Variants in ADGRL3 observed in about 807,000 individuals in gnomAD.
ADGRL3 encodes the protein adhesion G protein-coupled receptor L3.
A neutral mutation model predicts 153.5 loss-of-function variants in ADGRL3; 62 were observed. The ratio of observed to expected loss-of-function variants is 0.40; its 90% CI spans 0.33 to 0.50. ADGRL3 has a LOEUF of 0.50. Ranked by LOEUF, ADGRL3 falls within the 20% of genes least tolerant of loss-of-function variation. The probability of loss-of-function intolerance (pLI) is 0.47; values close to 1 mark genes in which losing one functional copy is unlikely to be tolerated. For missense variants in ADGRL3, 1,641 were observed against 1,859.4 expected (o/e 0.88, Z 2.16); for synonymous variants, 710 against 672.5 (o/e 1.06, Z -0.86).
intron 9 of ADGRL3, among the ~76,000 whole-genome samples, chr4:61,877,659 A>C (rs149923739): frequency 2.0e-5 from 3 of 152,294 alleles, no homozygotes; most frequent in Admixed American, 6.5e-5. Flanking sequence ...TAAAAGTCCA[A>C]GCTTCAACTG....
intron 2 of ADGRL3, among the ~76,000 whole-genome samples, chr4:61,477,342 A>T (rs1373471228): frequency 6.7e-6 from 1 of 148,304 alleles, no homozygotes; most frequent in Non-Finnish European, 1.5e-5. Context: ...TTTTAAAGAT[A>T]GTTATTGTAT....
intron 2 of ADGRL3, among the ~76,000 whole-genome samples, chr4:61,488,326 T>G (rs1292780062): frequency 1.3e-5 from 2 of 152,044 alleles, no homozygotes; most frequent in African/African-American, 4.8e-5. Context: ...CCTTTTTTAC[T>G]TCAGTGATAA....
intron 5 of ADGRL3, among the ~76,000 whole-genome samples, chr4:61,651,485 T>G (rs2094247182): frequency 6.6e-6 from 1 of 152,232 alleles, no homozygotes; most frequent in Non-Finnish European, 1.5e-5. Context: ...GTGGTAATGC[T>G]TCTGCAATTT....
At chr4:62,001,243 A>G (rs796817975) in intron 21 of ADGRL3, among the ~76,000 whole-genome samples, 1 of 152,204 alleles carries the variant, frequency 6.6e-6, no homozygotes, top group African/African-American at 2.4e-5. Flanking sequence ...GAGCAATTCC[A>G]CTACATTGGA....
chr4:61,472,589 C>A (rs1053835414), intron 2 of ADGRL3, among the ~76,000 whole-genome samples: 31 of 152,084 alleles, frequency 2.0e-4, no homozygotes, highest in African/African-American at 7.5e-4. Flanking sequence ...TCACATCTGC[C>A]ATATTCTACT....
At position 61,364,628 on chromosome 4, in the gene ADGRL3, T is replaced by A. The variant is rs114471754; in HGVS notation, c.-239-18496T>A. The stretch of plus-strand genomic sequence containing the variant: ...TGTCTAGAAAACAGCAGATTTAGAA[T>A]AACTATTGTAAGATAAATGAATAAA... On this transcript the variant is annotated intron_variant, in intron 1 of 26. Transcript: ENST00000683033. 6.1e-3 allele frequency among the ~76,000 whole-genome samples: 926 copies of A among 152,240 alleles called. 9 individuals carry two copies. Among genetic ancestry groups the A allele is most frequent in the African/African-American group, 0.02 (847 of 41,556 alleles).
At chr4:61,622,826 T>A (rs527631560) in intron 5 of ADGRL3, among the ~76,000 whole-genome samples, 1 of 152,256 alleles carries the variant, frequency 6.6e-6, no homozygotes, top group Admixed American at 6.5e-5. Flanking sequence ...GCAGTCATAT[T>A]CAAGAACTCA....
intron 2 of ADGRL3, among the ~76,000 whole-genome samples, chr4:61,431,025 G>C (rs1034098649): frequency 3.3e-5 from 5 of 152,098 alleles, no homozygotes; most frequent in Admixed American, 3.3e-4. Flanking sequence ...TCCTTCCATA[G>C]GTCTTGACCT....
intron 18 of ADGRL3, among the ~76,000 whole-genome samples, chr4:61,980,332 T>TTTTTA (rs2099063658): frequency 2.8e-5 from 4 of 141,090 alleles, no homozygotes; most frequent in East Asian, 2.5e-4. Flanking sequence ...TTTTTTTTTT[T>TTTTTA]ACTATCTCCA....
At chr4:61,783,779 A>C (rs1008747160) in intron 8 of ADGRL3, among the ~76,000 whole-genome samples, 14 of 152,214 alleles carry the variant, frequency 9.2e-5, no homozygotes, top group East Asian at 3.9e-4. Context: ...AATAATAATA[A>C]ATCTTAAACA....
chr4:61,737,499 C>CTCTA lies in ADGRL3; in HGVS notation c.1399+3949_1399+3952dup, dbSNP rs2096533237. On this transcript the variant is annotated intron_variant, in intron 8 of 26. Coordinates refer to ENST00000683033, the MANE Select transcript of ADGRL3 (RefSeq NM_001387552.1). ...TCAGAAGGACGTGGGTTTGAATTCTCTCTATCTCTTGTTTGACTATGGGCA... is the reference window on the plus strand; with the variant it reads ...TCAGAAGGACGTGGGTTTGAATTCTCTCTATCTATCTCTTGTTTGACTATGGGCA... Among the ~76,000 whole-genome samples, 6 of 152,254 alleles carry CTCTA rather than the reference C, an allele frequency of 3.9e-5. No homozygotes were observed. In the South Asian group the frequency reaches 1.2e-3, roughly 32 times the overall value.
intron 9 of ADGRL3, among the ~76,000 whole-genome samples, chr4:61,856,726 C>T (rs892750775): frequency 3.4e-5 from 5 of 144,978 alleles, no homozygotes; most frequent in African/African-American, 1.3e-4. Context: ...AAGCAATTCT[C>T]CTGCTTCAGC....
At chr4:61,724,093 G>A (rs978871934) in intron 6 of ADGRL3, among the ~76,000 whole-genome samples, 1 of 152,030 alleles carries the variant, frequency 6.6e-6, no homozygotes, top group African/African-American at 2.4e-5. Flanking sequence ...ATATAAACAC[G>A]CATATTTAGT....
chr4:61,425,541 A>ACTT (rs2097266699), intron 2 of ADGRL3: 1 of 152,354 alleles, frequency 6.6e-6, no homozygotes, highest in Non-Finnish European at 1.5e-5. Context: ...AGGCACAGGT[A>ACTT]CTAACAAGGA....
intron 4 of ADGRL3, among the ~76,000 whole-genome samples, chr4:61,554,180 T>G (rs1221757634): frequency 6.8e-6 from 1 of 147,794 alleles, no homozygotes; most frequent in Admixed American, 6.7e-5. Flanking sequence ...TATTTTATTT[T>G]ATTTTATTTT....
chr4:62,067,173 T>C (rs1022079181), intron 25 of ADGRL3, among the ~76,000 whole-genome samples: 1 of 152,120 alleles, frequency 6.6e-6, no homozygotes, highest in Non-Finnish European at 1.5e-5. Flanking sequence ...AAATCAACCT[T>C]TAAAGAACCA....
chr4:61,466,854 T>G (rs894360139), intron 2 of ADGRL3, among the ~76,000 whole-genome samples: 4 of 152,132 alleles, frequency 2.6e-5, no homozygotes, highest in African/African-American at 9.7e-5. Flanking sequence ...AGAATTTTTT[T>G]TTTATCTTGA....
chr4:62,068,229 T>C (rs1186070750), intron 26 of ADGRL3, 46 bp downstream of exon 26: 4 of 1,567,832 alleles, frequency 2.6e-6, no homozygotes, highest in Middle Eastern at 1.7e-4. Context: ...TAATTTTTTT[T>C]AGTTCACTTT....
At chr4:61,579,186 T>C (rs1420202307) in intron 4 of ADGRL3, among the ~76,000 whole-genome samples, 2 of 152,106 alleles carry the variant, frequency 1.3e-5, no homozygotes, top group Non-Finnish European at 2.9e-5. Flanking sequence ...CCATGTCTTA[T>C]GTGTAATAAT....
Sources: gnomAD v4.1 joint callset for allele counts (sites outside exome capture counted in the v4.1 genomes callset) on GRCh38, gnomAD v4.1.1 for gene constraint, MANE v1.5 for transcripts, NCBI Gene and HGNC (gene_info 2026-07-23, HGNC 2026-07-21) for gene names.